Variants in SOD2 observed in about 807,000 individuals in gnomAD.
SOD2 encodes superoxide dismutase [Mn], mitochondrial.
In SOD2, 11 loss-of-function variants were observed where a neutral mutation model predicts 27.0. The observed-to-expected ratio is 0.41, with a 90% CI of 0.26 to 0.67. SOD2 has a LOEUF of 0.67. Ranked by LOEUF, SOD2 falls within the 30% of genes least tolerant of loss-of-function variation. SOD2 has a pLI of 0.34. For synonymous variants in SOD2, 105 were observed against 103.0 expected (o/e 1.02, Z -0.12); for missense variants, 250 against 274.5 (o/e 0.91, Z 0.63).
In SOD2 at chr6:159,674,175, G is replaced by T. The variant is rs1562410131; in HGVS notation, c.*8318C>A. The T allele has an allele frequency of 6.6e-6, 1 of 152,226 alleles. No homozygotes were observed. Among genetic ancestry groups the T allele is most frequent in the Non-Finnish European group, 1.5e-5 (1 of 68,062 alleles). The allele number at this position is 152,226 out of a possible 1,614,324, so 9.4% of individuals were successfully genotyped here. A position where few individuals can be genotyped will look rare whatever the true frequency, so the allele number is the denominator to read the frequency against. On this transcript the variant is annotated 3_prime_UTR_variant, in exon 5 of 5. Transcript: ENST00000538183. ...CGAATTCTACCAGAGGTACAAGGAA[G>T]AGCTGGTACCATTCCTTCTGAAACT... is the stretch of plus-strand genomic sequence containing the variant.
At chr6:159,729,903 A>T (rs998138943), upstream of SOD2, among the ~76,000 whole-genome samples, 1 of 152,168 alleles carries the variant, frequency 6.6e-6, no homozygotes, top group Non-Finnish European at 1.5e-5. Flanking sequence ...AAGAGCCAGG[A>T]AGGTACTGGG....
chr6:159,737,455 G>C (rs1488976645), intron 1 of SOD2, among the ~76,000 whole-genome samples: 1 of 151,980 alleles, frequency 6.6e-6, no homozygotes, highest in East Asian at 1.9e-4. Context: ...AAAAATTTAA[G>C]TGTCTTGTAA....
intron 3 of SOD2, 32 bp from the exon 4 acceptor site, chr6:159,685,065 A>G: frequency 6.6e-7 from 1 of 1,513,928 alleles, no homozygotes; most frequent in Non-Finnish European, 8.9e-7. Context: ...ACCACCCACA[A>G]ATGAACAGAT....
chr6:159,692,988 G>A, intron 1 of SOD2, 125 bp from the exon 2 acceptor site: 1 of 1,344,528 alleles, frequency 7.4e-7, no homozygotes, highest in Non-Finnish European at 9.7e-7. Context: ...GCGGATCCCC[G>A]CTCCAGCCGC....
At chr6:159,755,109 A>G (rs1231389894) in intron 1 of SOD2, 1 of 1,614,096 alleles carries the variant, frequency 6.2e-7, no homozygotes, top group Non-Finnish European at 8.5e-7. Context: ...CAGCAGCTGA[A>G]GGAGACACGC....
At chr6:159,701,452 T>C (rs1392683069) in intron 1 of SOD2, among the ~76,000 whole-genome samples, 2 of 151,806 alleles carry the variant, frequency 1.3e-5, no homozygotes, top group African/African-American at 4.8e-5. Flanking sequence ...ATGCCTATAG[T>C]CCCAGCTACT....
At chr6:159,725,431 A>G (rs1443951914) in intron 1 of SOD2, among the ~76,000 whole-genome samples, 1 of 149,946 alleles carries the variant, frequency 6.7e-6, no homozygotes, top group Non-Finnish European at 1.5e-5. Context: ...CAGTGAGCTG[A>G]GATTGCACCA....
rs111929153 is a variant in SOD2 at position 159,710,938 on chromosome 6, T to C, written c.-116+16191A>G. Among the ~76,000 whole-genome samples, 125 of 120,656 alleles carry C rather than the reference T, an allele frequency of 1.0e-3. 2 individuals carry two copies. Among genetic ancestry groups the C allele is most frequent in the Non-Finnish European group, 1.3e-3 (75 of 55,858 alleles). 79.2% of individuals were successfully genotyped at this position (120,656 alleles called of 152,430 possible). A position where few individuals can be genotyped will look rare whatever the true frequency, so the allele number is the denominator to read the frequency against. On this transcript the variant is annotated intron_variant, in intron 1 of 2. Transcript: ENST00000401980. ...GCTCTGATCACCATAACCACCTCCA[T>C]AACCACCACTCACACTGCTCTGACC...
In SOD2 at chr6:159,715,530, A is replaced by G. The variant is rs1777908886; in HGVS notation, c.-116+11599T>C. On this transcript the variant is annotated intron_variant, in intron 1 of 2. Coordinates refer to the SOD2 transcript ENST00000401980. Reference sequence around the variant, plus strand: ...GATTTGACTGAAGGTTTGACCAAACAGGATCTTACCGTTGCATCCATAAGG... The same window carrying G: ...GATTTGACTGAAGGTTTGACCAAACGGGATCTTACCGTTGCATCCATAAGG... Among the ~76,000 whole-genome samples the G allele has an allele frequency of 2.6e-5, 4 of 152,342 alleles. No individual in the cohort carries two copies. In the South Asian group the frequency reaches 8.3e-4, roughly 32 times the overall value.
At chr6:159,737,521 T>G (rs1778994620) in intron 1 of SOD2, among the ~76,000 whole-genome samples, 1 of 151,992 alleles carries the variant, frequency 6.6e-6, no homozygotes, top group Non-Finnish European at 1.5e-5. Context: ...TGAGACAGAG[T>G]CTCACTCTGT....
chr6:159,748,123 A>C, upstream of SOD2: 2 of 1,527,808 alleles, frequency 1.3e-6, no homozygotes, highest in Non-Finnish European at 1.8e-6. The surrounding 1 kb of genome is among the most constrained non-coding windows in gnomAD (Gnocchi z 5.6). Flanking sequence ...GAATGGAGGG[A>C]GTTTTCCCCA....
At chr6:159,700,269 AAATTAGAGACAACAC>A (rs1314891664) in intron 1 of SOD2, among the ~76,000 whole-genome samples, 1 of 152,178 alleles carries the variant, frequency 6.6e-6, no homozygotes, top group East Asian at 1.9e-4. Context: ...GAATTAATGG[AAATTAGAGACAACAC>A]ATTACTAGTG....
chr6:159,755,296 T>A, intron 1 of SOD2: 4 of 1,614,250 alleles, frequency 2.5e-6, no homozygotes, highest in Non-Finnish European at 3.4e-6. Flanking sequence ...GGTCTGGATT[T>A]CACAGGGAGG....
At chr6:159,759,998 G>A (rs1330501202) in intron 1 of SOD2, among the ~76,000 whole-genome samples, 1 of 152,232 alleles carries the variant, frequency 6.6e-6, no homozygotes, top group African/African-American at 2.4e-5. Context: ...GCATAAAGCA[G>A]TGTAACAGGA....
intron 2 of SOD2, chr6:159,691,700 C>T (rs898704083): frequency 2.7e-5 from 4 of 150,322 alleles, no homozygotes; most frequent in African/African-American, 7.3e-5. Context: ...TCCACATACC[C>T]CTGGTTTTAT....
upstream of SOD2, among the ~76,000 whole-genome samples, chr6:159,728,490 G>C (rs992399803): frequency 6.6e-6 from 1 of 152,204 alleles, no homozygotes; most frequent in Non-Finnish European, 1.5e-5. Context: ...ACAATTGGAA[G>C]TTGTATTTGT....
At chr6:159,714,808 G>A (rs1362318075) in intron 1 of SOD2, among the ~76,000 whole-genome samples, 1 of 152,102 alleles carries the variant, frequency 6.6e-6, no homozygotes, top group African/African-American at 2.4e-5. Flanking sequence ...CTGTCTAAAG[G>A]TTTTCTGTCT....
Position 159,681,803 on chromosome 6 carries a change from G to T in SOD2, c.*690C>A, listed in dbSNP as rs1400357455. ...ATCATGGAGATTGGGTCTCAAGCAT[G>T]AGCTGCCCAATTCTCCTTGCTTGGC... is the stretch of plus-strand genomic sequence containing the variant. On this transcript the variant is annotated 3_prime_UTR_variant, in exon 5 of 5. Coordinates refer to ENST00000538183, the MANE Select transcript of SOD2 (RefSeq NM_000636.4). 1.3e-5 allele frequency: 2 copies of T among 152,184 alleles called. No individual in the cohort carries two copies. The highest frequency in any genetic ancestry group is 2.4e-5 in the African/African-American group (1 of 41,440). The allele number at this position is 152,184 out of a possible 1,614,324, so 9.4% of individuals were successfully genotyped here.
chr6:159,697,708 G>A (rs1272167928), upstream of SOD2, among the ~76,000 whole-genome samples: 1 of 152,214 alleles, frequency 6.6e-6, no homozygotes, highest in East Asian at 1.9e-4. Context: ...TAAGTCAAAT[G>A]CTTTATTCCT....
Sources: allele counts gnomAD v4.1 joint callset (sites outside exome capture counted in the v4.1 genomes callset), GRCh38; gene constraint gnomAD v4.1.1; non-coding constraint Gnocchi (gnomAD v3.1); transcripts MANE v1.5; gene names NCBI Gene and HGNC (gene_info 2026-07-23, HGNC 2026-07-21).